The following TCF20 variants were observed in gnomAD, a reference collection of about 807,000 sequenced individuals.
TCF20 encodes the protein transcription factor 20, also known as SPRE-binding protein.
TCF20 carries 3 observed loss-of-function variants against 148.6 expected under a neutral mutation model. The ratio of observed to expected loss-of-function variants is 0.02; its 90% CI spans 0.01 to 0.05. The LOEUF is 0.05. TCF20 is among the 10% of genes least tolerant of loss of function. The pLI is 1.00. For synonymous variants in TCF20, 1,049 were observed against 909.5 expected (o/e 1.15, Z -2.76); for missense variants, 2,350 against 2,429.3 (o/e 0.97, Z 0.69).
intron 1 of TCF20, among the ~76,000 whole-genome samples, chr22:42,336,943 G>A (rs7287493): frequency 5.9e-5 from 9 of 152,176 alleles, no homozygotes; most frequent in African/African-American, 1.4e-4. Context: ...CCATAGCCAC[G>A]TATCTTCTTC....
At chr22:42,198,360 C>G (rs1338487639) in intron 2 of TCF20, among the ~76,000 whole-genome samples, 1 of 152,158 alleles carries the variant, frequency 6.6e-6, no homozygotes, top group Non-Finnish European at 1.5e-5. Context: ...ACGTATAGTG[C>G]TTAGAAAGCA....
intron 1 of TCF20, among the ~76,000 whole-genome samples, chr22:42,227,885 C>A (rs1446365111): frequency 1.3e-5 from 2 of 152,222 alleles, no homozygotes; most frequent in Non-Finnish European, 2.9e-5. Context: ...ATATTTACCA[C>A]ATTCACCTGG....
At chr22:42,271,646 G>C (rs1010743920), upstream of TCF20, among the ~76,000 whole-genome samples, 1 of 152,194 alleles carries the variant, frequency 6.6e-6, no homozygotes, top group African/African-American at 2.4e-5. Context: ...CCCACTTTGG[G>C]CCTCAGTTTC....
At chr22:42,334,161 C>A (rs748847821) in intron 1 of TCF20, among the ~76,000 whole-genome samples, 4 of 152,186 alleles carry the variant, frequency 2.6e-5, no homozygotes, top group Non-Finnish European at 5.9e-5. Context: ...CTTGGGTGGC[C>A]TTGGGAAATC....
rs1468484951 is a variant in TCF20, at chr22:42,214,278, T to A, written c.1028A>T (p.Gln343Leu). ...CTCAGGCTGGTTGTACTGCCCCACT[T>A]GGCTTTGCAGGGGCAGCTTGGTGGC... ...NAATKLPLQS[Q>L]VGQYNQPEVP... is the part of the protein sequence containing the mutation. The change falls in exon 2 of 6, where the codon CAA (glutamine) becomes CTA (leucine). Residue 343 changes from glutamine (Q) to leucine (L), a missense_variant. Gln to Leu is a moderately radical substitution (Grantham distance 113, BLOSUM62 -2). Coordinates refer to ENST00000677622, the MANE Select transcript of TCF20 (RefSeq NM_001378418.1). 6.2e-7 allele frequency: 1 copy of A among 1,614,236 alleles called. No individual in the cohort carries two copies. Among genetic ancestry groups the A allele is most frequent in the Admixed American group, 1.7e-5 (1 of 60,022 alleles).
chr22:42,162,899 G>C (rs761937265), intron 5 of TCF20, among the ~76,000 whole-genome samples: 1 of 152,148 alleles, frequency 6.6e-6, no homozygotes. Flanking sequence ...ACACCAATAA[G>C]CAGGAACACA....
chr22:42,210,877 C>T lies in TCF20; in HGVS notation c.4429G>A (p.Gly1477Arg). ...CCACCCAGGGAACCATCTGGTCTCC[C>T]TTGGTTACTACCAGGCTTCTGTGAG... Reference protein sequence around the residue: ...TTSQKPGSNQGRPDGSLGGTA... With the variant: ...TTSQKPGSNQRRPDGSLGGTA... The change falls in exon 2 of 6, where the codon GGG (glycine) becomes AGG (arginine). Residue 1477 changes from glycine to arginine, a missense_variant. Physicochemically the swap from Gly to Arg is moderately radical, Grantham distance 125. Transcript: ENST00000677622. The surrounding 1 kb of genome is among the most constrained non-coding windows in gnomAD (Gnocchi z 4.7). 1.2e-6 allele frequency: 2 copies of T among 1,614,144 alleles called. No individual in the cohort carries two copies. The highest frequency in any genetic ancestry group is 1.7e-6 in the Non-Finnish European group (2 of 1,180,020).
intron 1 of TCF20, among the ~76,000 whole-genome samples, chr22:42,258,715 A>C (rs550494284): frequency 6.6e-6 from 1 of 152,290 alleles, no homozygotes; most frequent in East Asian, 1.9e-4. Context: ...GATTTTGCCC[A>C]ATTATAGGCT....
intron 1 of TCF20, among the ~76,000 whole-genome samples, chr22:42,328,716 G>A (rs1927917294): frequency 6.6e-6 from 1 of 152,224 alleles, no homozygotes; most frequent in African/African-American, 2.4e-5. Flanking sequence ...GCTTAATCTA[G>A]GTGCTGGCAC....
intron 1 of TCF20, among the ~76,000 whole-genome samples, chr22:42,248,075 C>A (rs1462006129): frequency 3.3e-5 from 5 of 152,074 alleles, no homozygotes; most frequent in Non-Finnish European, 7.3e-5. Flanking sequence ...AAGTTTCCAT[C>A]CCATGGTGCT....
intron 1 of TCF20, among the ~76,000 whole-genome samples, chr22:42,306,954 G>A (rs1417722048): frequency 6.6e-6 from 1 of 150,930 alleles, no homozygotes; most frequent in Non-Finnish European, 1.5e-5. Flanking sequence ...CACGAGAATC[G>A]CTTGACCCTG....
In TCF20 at chr22:42,295,633, G is replaced by A. The variant is rs540935777; in HGVS notation, c.-37+47846C>T. 3.3e-5 allele frequency among the ~76,000 whole-genome samples: 5 copies of A among 152,162 alleles called. No homozygotes were observed. The South Asian group carries it at 1.0e-3, about 32-fold the overall frequency. On this transcript the variant is annotated intron_variant, in intron 1 of 1. Coordinates refer to the TCF20 transcript ENST00000515426. ...TAATTTTGTATTTTTAGTAGAGACA[G>A]GGTTTCTCCATGTTGAGGCTAGTCT...
At chr22:42,164,802 G>A (rs1935682149) in intron 5 of TCF20, among the ~76,000 whole-genome samples, 2 of 152,234 alleles carry the variant, frequency 1.3e-5, no homozygotes, top group Non-Finnish European at 2.9e-5. Flanking sequence ...GGAGATGGGA[G>A]CCTGTTTTCA....
At chr22:42,240,587 G>A (rs1924304256) in intron 1 of TCF20, among the ~76,000 whole-genome samples, 1 of 152,128 alleles carries the variant, frequency 6.6e-6, no homozygotes, top group Non-Finnish European at 1.5e-5. Context: ...TCCTGAAAAA[G>A]ATGGAAATCC....
intron 1 of TCF20, among the ~76,000 whole-genome samples, chr22:42,224,809 C>T (rs1056567364): frequency 6.6e-6 from 1 of 152,018 alleles, no homozygotes; most frequent in Non-Finnish European, 1.5e-5. Context: ...ATGAAAAGAG[C>T]AGCTCACGTA....
At chr22:42,162,844 T>TGCACA (rs1419479453) in intron 5 of TCF20, among the ~76,000 whole-genome samples, 3 of 152,182 alleles carry the variant, frequency 2.0e-5, no homozygotes, top group African/African-American at 7.2e-5. Flanking sequence ...AGCACGTACA[T>TGCACA]GCACATGCTC....
intron 5 of TCF20, among the ~76,000 whole-genome samples, chr22:42,162,162 GGA>G (rs1935508669): frequency 6.6e-6 from 1 of 151,776 alleles, no homozygotes; most frequent in Non-Finnish European, 1.5e-5. Flanking sequence ...TGTATTTTTA[GGA>G]GAGATGTGGT....
intron 2 of TCF20, among the ~76,000 whole-genome samples, chr22:42,198,905 T>A (rs5996129): frequency 1.2e-3 from 186 of 152,332 alleles, no homozygotes; most frequent in African/African-American, 4.1e-3. Context: ...CCTCAGGTGA[T>A]CTGCCCACCT....
At position 42,211,918 on chromosome 22, in the gene TCF20, C is replaced by T; in HGVS notation, c.3388G>A (p.Asp1130Asn). ...RKSPRQQQFL[D>N]RVRSPLKNDK... is the part of the protein sequence containing the mutation. Reference sequence around the variant, plus strand: ...TTTTTCAGAGGGCTCCGTACTCTGTCAAGAAACTGCTGCTGCCTTGGACTC... The same window carrying T: ...TTTTTCAGAGGGCTCCGTACTCTGTTAAGAAACTGCTGCTGCCTTGGACTC... Residue 1130 changes from aspartate to asparagine, a missense_variant, in exon 2 of 6, where the codon GAC becomes AAC. Physicochemically the swap from Asp to Asn is conservative, Grantham distance 23. Coordinates refer to ENST00000677622, the MANE Select transcript of TCF20 (RefSeq NM_001378418.1). The T allele has an allele frequency of 6.2e-7, 1 of 1,614,220 alleles. No individual in the cohort carries two copies. Among genetic ancestry groups the T allele is most frequent in the Non-Finnish European group, 8.5e-7 (1 of 1,180,034 alleles).
Sources: allele counts gnomAD v4.1 joint callset (sites outside exome capture counted in the v4.1 genomes callset), GRCh38; gene constraint gnomAD v4.1.1; non-coding constraint Gnocchi (gnomAD v3.1); transcripts MANE v1.5; gene names NCBI Gene and HGNC (gene_info 2026-07-23, HGNC 2026-07-21).